PIEZO2: variants seen among roughly 807,000 people sequenced by gnomAD.
PIEZO2 encodes the protein piezo-type mechanosensitive ion channel component 2.
In PIEZO2, 172 loss-of-function variants were observed where a neutral mutation model predicts 337.3. The ratio of observed to expected loss-of-function variants is 0.51; its 90% CI spans 0.45 to 0.58. PIEZO2 has a LOEUF of 0.58. Ranked by LOEUF, PIEZO2 falls within the 20% of genes least tolerant of loss-of-function variation. The pLI is 0.00. For synonymous variants in PIEZO2, 1,251 were observed against 1,228.5 expected (o/e 1.02, Z -0.38); for missense variants, 3,028 against 3,391.3 (o/e 0.89, Z 2.66).
Position 11,041,562 on chromosome 18 carries a change from C to T in PIEZO2, c.160+24565G>A, listed in dbSNP as rs191449110. ...ATACTAAATAGCTGGAACTGAAGGA[C>T]ATCATGATGTTACTCATTGTTTATT... On this transcript the variant is annotated intron_variant, in intron 2 of 55. Coordinates refer to ENST00000674853, the MANE Select transcript of PIEZO2 (RefSeq NM_001378183.1). Among the ~76,000 whole-genome samples, 26 of 152,300 alleles carry T rather than the reference C, an allele frequency of 1.7e-4. No individual in the cohort carries two copies. The East Asian group carries it at 2.3e-3, about 14-fold the overall frequency.
Position 10,837,539 on chromosome 18 carries a change from T to C in PIEZO2, c.917+17814A>G, listed in dbSNP as rs1472932583. 1.3e-5 allele frequency among the ~76,000 whole-genome samples: 2 copies of C among 152,170 alleles called. No individual in the cohort carries two copies. The highest frequency in any genetic ancestry group is 2.9e-5 in the Non-Finnish European group (2 of 68,022). ...AGCAAGAAAGCTTGAGAACCACTGG[T>C]AGATGGTATCAATATCTCTTCCCAA... On this transcript the variant is annotated intron_variant, in intron 7 of 55. Transcript: ENST00000674853. The surrounding 1 kb of genome is among the most constrained non-coding windows in gnomAD (Gnocchi z 4.4).
rs2040899797 is a variant in PIEZO2, at chr18:11,149,517, C to G, written c.-929G>C. On this transcript the variant is annotated 5_prime_UTR_variant, in exon 1 of 56. Coordinates refer to ENST00000674853, the MANE Select transcript of PIEZO2 (RefSeq NM_001378183.1). This position sits in a 1 kb window ranked among gnomAD's most constrained non-coding sequence, Gnocchi z 8.7. ...CACCGCCTGCCGCCTTGCAGCCTCG[C>G]CCTCGCGGCGCAGCCGGGGCTCCCC... Among the ~76,000 whole-genome samples the G allele has an allele frequency of 6.6e-6, 1 of 151,992 alleles. No homozygotes were observed. The highest frequency in any genetic ancestry group is 2.1e-4 in the South Asian group (1 of 4,836).
intron 30 of PIEZO2, among the ~76,000 whole-genome samples, chr18:10,745,378 C>A (rs886447680): frequency 6.6e-6 from 1 of 152,172 alleles, no homozygotes; most frequent in African/African-American, 2.4e-5. Context: ...AACCGACACA[C>A]GACCACATCC....
Position 11,083,958 on chromosome 18 carries a change from A to G in PIEZO2, c.65-17736T>C, listed in dbSNP as rs950091496. ...TTGGGAGGCCAAGGCGGGCTGACCA[A>G]CTGAGGTCAGGAGTTCAAGACCAGC... On this transcript the variant is annotated intron_variant, in intron 1 of 55. Transcript: ENST00000674853. The surrounding 1 kb of genome is among the most constrained non-coding windows in gnomAD (Gnocchi z 4.4). 2.6e-5 allele frequency among the ~76,000 whole-genome samples: 4 copies of G among 152,096 alleles called. No homozygotes were observed. Among genetic ancestry groups the G allele is most frequent in the Non-Finnish European group, 5.9e-5 (4 of 68,018 alleles).
chr18:10,725,648 GC>G (rs1370847852), intron 36 of PIEZO2, among the ~76,000 whole-genome samples: 1 of 152,218 alleles, frequency 6.6e-6, no homozygotes, highest in Non-Finnish European at 1.5e-5. Flanking sequence ...GAACATGCCT[GC>G]CCACGCTCTG....
At chr18:10,681,578 C>T (rs1373753250) in intron 51 of PIEZO2, 83 bp downstream of exon 51, 2 of 1,179,934 alleles carry the variant, frequency 1.7e-6, no homozygotes, top group Non-Finnish European at 2.5e-6. Context: ...CCACCTCAGG[C>T]CATGGCAAAG....
intron 48 of PIEZO2, among the ~76,000 whole-genome samples, chr18:10,690,324 G>T (rs562972036): frequency 6.6e-6 from 1 of 152,160 alleles, no homozygotes; most frequent in African/African-American, 2.4e-5. Context: ...TGGTTCAGTT[G>T]TGTTTCAGAA....
intron 1 of PIEZO2, among the ~76,000 whole-genome samples, chr18:11,147,769 C>G (rs915312523): frequency 6.6e-6 from 1 of 152,236 alleles, no homozygotes; most frequent in Non-Finnish European, 1.5e-5. Context: ...CAGGCCAGTC[C>G]TGGGGAAACG....
At chr18:11,060,527 A>G (rs974573941) in intron 2 of PIEZO2, among the ~76,000 whole-genome samples, 1 of 152,218 alleles carries the variant, frequency 6.6e-6, no homozygotes, top group Non-Finnish European at 1.5e-5. Flanking sequence ...AATAAAGAAG[A>G]AAAGAGAGAA....
rs537732663 is a variant in PIEZO2 at position 10,942,716 on chromosome 18, TA to T, written c.287-31489del. ...AGCCACCTGCAGAAATTTGCATAAGTAATGAAGAGCCAAATATTAATCCCCA... is the reference window on the plus strand; with the variant it reads ...AGCCACCTGCAGAAATTTGCATAAGTATGAAGAGCCAAATATTAATCCCCA... On this transcript the variant is annotated intron_variant, in intron 3 of 55. Transcript: ENST00000674853. This position sits in a 1 kb window ranked among gnomAD's most constrained non-coding sequence, Gnocchi z 4.4. Among the ~76,000 whole-genome samples, 82 of 152,298 alleles carry T rather than the reference TA, an allele frequency of 5.4e-4. No homozygotes were observed. Among genetic ancestry groups the T allele is most frequent in the African/African-American group, 1.9e-3 (77 of 41,572 alleles).
Position 10,871,319 on chromosome 18 carries a change from G to A in PIEZO2, c.426C>T (p.Asn142=). The A allele has an allele frequency of 6.5e-7, 1 of 1,537,266 alleles. No individual in the cohort carries two copies. Among genetic ancestry groups the A allele is most frequent in the South Asian group, 1.2e-5 (1 of 84,058 alleles). The change falls in exon 5 of 56, where the codon AAC becomes AAT. Residue 142 remains asparagine (N), a synonymous_variant. Coordinates refer to ENST00000674853, the MANE Select transcript of PIEZO2 (RefSeq NM_001378183.1). The part of the protein sequence containing the change: ...ASLTIWLLCR[N]IVQKPVTDEA... Reference sequence around the variant, plus strand: ...CGTCTGTCACAGGTTTCTGAACAATGTTTCTACAGAGGAGCCAGATGGTCA... The same window carrying A: ...CGTCTGTCACAGGTTTCTGAACAATATTTCTACAGAGGAGCCAGATGGTCA...
At chr18:10,770,571 ATCTT>A (rs1282901398) in intron 20 of PIEZO2, among the ~76,000 whole-genome samples, 1 of 45,884 alleles carries the variant, frequency 2.2e-5, no homozygotes, top group Admixed American at 2.6e-4. Flanking sequence ...TTTTGACATT[ATCTT>A]CCTTCCTTCC....
intron 48 of PIEZO2, among the ~76,000 whole-genome samples, chr18:10,690,917 C>G (rs985942267): frequency 6.6e-6 from 1 of 152,100 alleles, no homozygotes; most frequent in African/African-American, 2.4e-5. Context: ...CTTTTGTGCC[C>G]AGAAGTATAT....
At chr18:11,059,386 G>A (rs1473692598) in intron 2 of PIEZO2, among the ~76,000 whole-genome samples, 1 of 152,164 alleles carries the variant, frequency 6.6e-6, no homozygotes, top group Non-Finnish European at 1.5e-5. Context: ...ATAATGACAG[G>A]ATCAAATTCA....
chr18:10,934,847 G>A (rs1342010432), intron 3 of PIEZO2, among the ~76,000 whole-genome samples: 2 of 152,014 alleles, frequency 1.3e-5, no homozygotes, highest in East Asian at 1.9e-4. Context: ...CTATTCTAAG[G>A]GTTTACAAAT....
At chr18:11,019,646 T>C (rs562358219) in intron 2 of PIEZO2, among the ~76,000 whole-genome samples, 126 of 152,282 alleles carry the variant, frequency 8.3e-4, no homozygotes, top group African/African-American at 2.9e-3. Context: ...TGTTGCAGTG[T>C]TTTATATTGA....
chr18:10,913,983 G>A (rs1342889883), intron 3 of PIEZO2, among the ~76,000 whole-genome samples: 2 of 152,108 alleles, frequency 1.3e-5, no homozygotes, highest in Non-Finnish European at 2.9e-5. Flanking sequence ...GGATTTTTAT[G>A]TCTTTTGTGA....
At chr18:10,995,311 G>C (rs115989093) in intron 2 of PIEZO2, among the ~76,000 whole-genome samples, 2,627 of 152,112 alleles carry the variant, frequency 0.017, 87 homozygotes, top group African/African-American at 0.06. Flanking sequence ...CCCACTTTTG[G>C]ATGGGATTGT....
At chr18:11,037,999 C>T (rs1184661978) in intron 2 of PIEZO2, among the ~76,000 whole-genome samples, 2 of 152,192 alleles carry the variant, frequency 1.3e-5, no homozygotes, top group African/African-American at 4.8e-5. Flanking sequence ...CATTGCCACA[C>T]ACTTGTATGC....
Sources: gnomAD v4.1 joint callset for allele counts (sites outside exome capture counted in the v4.1 genomes callset) on GRCh38, gnomAD v4.1.1 for gene constraint, Gnocchi (gnomAD v3.1) non-coding constraint, MANE v1.5 for transcripts, NCBI Gene and HGNC (gene_info 2026-07-23, HGNC 2026-07-21) for gene names.